SUGCT: variants seen among roughly 807,000 people sequenced by gnomAD.
The protein encoded by SUGCT is succinyl-CoA:glutarate CoA-transferase.
A neutral mutation model predicts 55.0 loss-of-function variants in SUGCT; 41 were observed. The observed-to-expected ratio is 0.74, with a 90% confidence interval of 0.58 to 0.97. The LOEUF is 0.97. Ranked by LOEUF, SUGCT falls within the 50% of genes least tolerant of loss-of-function variation. The pLI is 0.00. For synonymous variants in SUGCT, 187 were observed against 200.4 expected, an observed-to-expected ratio of 0.93 and a Z score of 0.56; for missense variants, 568 against 547.8, an observed-to-expected ratio of 1.04 and a Z score of -0.37.
chr7:40,160,808 A>G (rs958628567), intron 1 of SUGCT, among the ~76,000 whole-genome samples: 5 of 152,094 alleles, frequency 3.3e-5, no homozygotes, highest in Admixed American at 1.3e-4. Context: ...GTGACATGCA[A>G]ATTTTTAACT....
chr7:40,369,416 T>C (rs1489542142), intron 9 of SUGCT, among the ~76,000 whole-genome samples: 1 of 152,198 alleles, frequency 6.6e-6, no homozygotes, highest in Non-Finnish European at 1.5e-5. Flanking sequence ...TCTATCATTT[T>C]TTCCTTTTCA....
intron 12 of SUGCT, among the ~76,000 whole-genome samples, chr7:40,597,102 A>G (rs555849172): frequency 8.5e-5 from 13 of 152,352 alleles, no homozygotes; most frequent in South Asian, 6.2e-4. Flanking sequence ...GTAGGTAAGA[A>G]GATAGGAACT....
At chr7:40,514,444 C>T (rs1368309316) in intron 12 of SUGCT, among the ~76,000 whole-genome samples, 1 of 152,036 alleles carries the variant, frequency 6.6e-6, no homozygotes, top group African/African-American at 2.4e-5. Context: ...CGTGGGGGCT[C>T]ATGCCTGTAA....
At chr7:40,919,296 C>T in the SUGCT span, among the ~76,000 whole-genome samples, 1 of 152,202 alleles carries the variant, frequency 6.6e-6, no homozygotes, top group Non-Finnish European at 1.5e-5. Flanking sequence ...ACTCATCTTT[C>T]CCTAAAAGTA....
intron 9 of SUGCT, among the ~76,000 whole-genome samples, chr7:40,403,035 A>G (rs972196437): frequency 1.4e-4 from 21 of 152,182 alleles, no homozygotes; most frequent in Admixed American, 2.6e-4. Flanking sequence ...TCTGGTCTCA[A>G]TATCTGTGTT....
intron 13 of SUGCT, among the ~76,000 whole-genome samples, chr7:40,794,165 T>C (rs1790445718): frequency 6.6e-6 from 1 of 152,160 alleles, no homozygotes; most frequent in African/African-American, 2.4e-5. Context: ...TCCAGGTATG[T>C]TTAATATGTT....
chr7:40,762,611 C>T (rs1396088143), intron 13 of SUGCT, among the ~76,000 whole-genome samples: 1 of 152,106 alleles, frequency 6.6e-6, no homozygotes, highest in Non-Finnish European at 1.5e-5. Flanking sequence ...TACTTTTCTT[C>T]CTGATAACAT....
the SUGCT span, among the ~76,000 whole-genome samples, chr7:41,034,562 G>A: frequency 6.3e-4 from 96 of 152,290 alleles, 1 homozygote; most frequent in African/African-American, 2.3e-3. Context: ...GGGACTTCTT[G>A]TGCACCAGGC....
At chr7:40,546,235 G>A (rs939409762) in intron 12 of SUGCT, among the ~76,000 whole-genome samples, 3 of 152,130 alleles carry the variant, frequency 2.0e-5, no homozygotes, top group South Asian at 2.1e-4. Flanking sequence ...TTTAACTCCT[G>A]TGCGCTGTCC....
intron 11 of SUGCT, among the ~76,000 whole-genome samples, chr7:40,476,864 C>G (rs1790718476): frequency 6.6e-6 from 1 of 151,354 alleles, no homozygotes; most frequent in East Asian, 1.9e-4. Context: ...ATGGCACAAT[C>G]TTGCCTACTG....
intron 13 of SUGCT, among the ~76,000 whole-genome samples, chr7:40,772,538 CTA>C (rs1491202480): frequency 1.4e-3 from 205 of 150,772 alleles, no homozygotes; most frequent in Non-Finnish European, 1.8e-3. Context: ...ATCTATCTAT[CTA>C]TCTATCTATC....
chr7:40,721,792 C>A (rs1786350763), intron 12 of SUGCT, among the ~76,000 whole-genome samples: 1 of 152,108 alleles, frequency 6.6e-6, no homozygotes, highest in Non-Finnish European at 1.5e-5. Flanking sequence ...GATAAAGTTT[C>A]TTCTATCTCT....
intron 3 of SUGCT, 43 bp downstream of exon 3, chr7:40,182,071 A>G: frequency 9.0e-7 from 1 of 1,116,904 alleles, no homozygotes; most frequent in South Asian, 1.4e-5. Context: ...CAAGCTAATA[A>G]ATATTTTAAA....
At chr7:40,985,191 T>A in the SUGCT span, among the ~76,000 whole-genome samples, 3 of 152,180 alleles carry the variant, frequency 2.0e-5, no homozygotes, top group Non-Finnish European at 2.9e-5. Context: ...TTGCAAATTG[T>A]ATCAGGGCTT....
intron 7 of SUGCT, among the ~76,000 whole-genome samples, chr7:40,272,439 G>A (rs1247503745): frequency 1.3e-5 from 2 of 149,738 alleles, no homozygotes; most frequent in South Asian, 2.1e-4. Flanking sequence ...GGCCTCCAAA[G>A]TGTTGGGATT....
the SUGCT span, among the ~76,000 whole-genome samples, chr7:41,035,092 A>G: frequency 1.3e-5 from 2 of 152,186 alleles, no homozygotes; most frequent in Non-Finnish European, 2.9e-5. Context: ...AACTCAGTCT[A>G]TTCCTGTAGT....
intron 12 of SUGCT, among the ~76,000 whole-genome samples, chr7:40,563,355 T>A (rs1049768062): frequency 2.0e-5 from 3 of 152,318 alleles, no homozygotes; most frequent in Non-Finnish European, 4.4e-5. Context: ...TTAGAAGGGT[T>A]TGACAGTTCT....
intron 9 of SUGCT, among the ~76,000 whole-genome samples, chr7:40,324,739 C>T (rs1795946974): frequency 6.6e-6 from 1 of 152,106 alleles, no homozygotes; most frequent in South Asian, 2.1e-4. Flanking sequence ...CTTTGCAGAC[C>T]AATGGGAGAC....
At chr7:40,491,457 G>A (rs1791673163) in intron 11 of SUGCT, among the ~76,000 whole-genome samples, 1 of 151,996 alleles carries the variant, frequency 6.6e-6, no homozygotes, top group Non-Finnish European at 1.5e-5. Context: ...GGTTTATGAA[G>A]GAAATGGAAA....
Sources: allele counts gnomAD v4.1 joint callset (sites outside exome capture counted in the v4.1 genomes callset), GRCh38; gene constraint gnomAD v4.1.1; transcripts MANE v1.5; gene names NCBI Gene and HGNC (gene_info 2026-07-23, HGNC 2026-07-21).